ADARB1: variants seen among roughly 807,000 people sequenced by gnomAD.
The protein encoded by ADARB1 is double-stranded RNA-specific editase 1.
A neutral mutation model predicts 52.4 loss-of-function variants in ADARB1; 10 were observed. The observed-to-expected ratio is 0.19, with a 90% CI of 0.12 to 0.32. The LOEUF (loss-of-function observed/expected upper bound fraction) is 0.32. Among genes scored for constraint, ADARB1 ranks in the 10% least tolerant of loss-of-function variants. ADARB1 has a pLI of 1.00. For synonymous variants in ADARB1, 349 were observed against 371.1 expected (o/e 0.94, Z 0.68); for missense variants, 643 against 922.3 (o/e 0.70, Z 3.92).
chr21:45,201,275 T>C (rs1222260526), intron 8 of ADARB1, among the ~76,000 whole-genome samples: 1 of 152,222 alleles, frequency 6.6e-6, no homozygotes. Context: ...CTGTCCTTTG[T>C]GAGGTGCATT....
At chr21:45,091,505 GT>G (rs1286396835) in intron 1 of ADARB1, among the ~76,000 whole-genome samples, 1 of 152,186 alleles carries the variant, frequency 6.6e-6, no homozygotes, top group Non-Finnish European at 1.5e-5. Flanking sequence ...TCAGCTTACA[GT>G]TTTCTGCTAT....
intron 5 of ADARB1, among the ~76,000 whole-genome samples, chr21:45,180,819 G>A (rs575579078): frequency 1.1e-4 from 17 of 152,228 alleles, no homozygotes; most frequent in Non-Finnish European, 2.5e-4. Flanking sequence ...ATAAGTTTCA[G>A]TGTGACTTCC....
intron 2 of ADARB1, among the ~76,000 whole-genome samples, chr21:45,148,280 G>T (rs1423286259): frequency 6.6e-6 from 1 of 152,200 alleles, no homozygotes; most frequent in Admixed American, 6.5e-5. Context: ...TGGGTAAAAG[G>T]AATTAAGGTG....
chr21:45,204,187 C>T lies in ADARB1; in HGVS notation c.1566-368C>T, dbSNP rs1250033266. Reference sequence around the variant, plus strand: ...TTTTTCATTTAATATCTTCAGATCACGGTTGACAGTGAGTAACTGAAACCT... The same window carrying T: ...TTTTTCATTTAATATCTTCAGATCATGGTTGACAGTGAGTAACTGAAACCT... On this transcript the variant is annotated intron_variant, in intron 8 of 10. Coordinates refer to ENST00000348831, the MANE Select transcript of ADARB1 (RefSeq NM_001112.4). The surrounding 1 kb of genome is among the most constrained non-coding windows in gnomAD (Gnocchi z 4.4). Among the ~76,000 whole-genome samples, 5 of 152,316 alleles carry T rather than the reference C, an allele frequency of 3.3e-5. 1 individual carries two copies. Among genetic ancestry groups the T allele is most frequent in the African/African-American group, 2.4e-5 (1 of 41,556 alleles).
At chr21:45,174,327 T>C (rs1171582459) in intron 3 of ADARB1, among the ~76,000 whole-genome samples, 1 of 152,220 alleles carries the variant, frequency 6.6e-6, no homozygotes, top group African/African-American at 2.4e-5. Context: ...ATGTGACAGC[T>C]GCCTAGCCAT....
intron 1 of ADARB1, among the ~76,000 whole-genome samples, chr21:45,098,787 A>G (rs2086878070): frequency 6.6e-6 from 1 of 152,126 alleles, no homozygotes; most frequent in Admixed American, 6.5e-5. Flanking sequence ...CCTTTCGAGC[A>G]CTTTCCTCAG....
At chr21:45,124,700 T>C (rs1326988344) in intron 1 of ADARB1, among the ~76,000 whole-genome samples, 1 of 151,848 alleles carries the variant, frequency 6.6e-6, no homozygotes, top group Admixed American at 6.6e-5. Context: ...ATGTTTGTAG[T>C]TTTGTCAGAT....
In ADARB1 at chr21:45,221,844, C is replaced by T. The variant is rs539270095; in HGVS notation, c.1927-174C>T. On this transcript the variant is annotated intron_variant, in intron 10 of 10. Transcript: ENST00000348831. This position sits in a 1 kb window ranked among gnomAD's most constrained non-coding sequence, Gnocchi z 4.9. ...TGGCAATAACTCAGCCCTTAGGAGA[C>T]GCCGCACCTTGTTCTGTGTGAAGCC... 3.9e-5 allele frequency among the ~76,000 whole-genome samples: 6 copies of T among 152,288 alleles called. No individual in the cohort carries two copies. Among genetic ancestry groups the T allele is most frequent in the African/African-American group, 7.2e-5 (3 of 41,540 alleles).
rs973705047 is a variant in ADARB1 at position 45,223,993 on chromosome 21, A to G, written c.*1796A>G. 1.0e-6 allele frequency: 1 copy of G among 985,370 alleles called. No homozygotes were observed. The highest frequency in any genetic ancestry group is 1.2e-6 in the Non-Finnish European group (1 of 829,954). The allele number at this position is 985,370 out of a possible 1,614,324, so 61.0% of individuals were successfully genotyped here. A position where few individuals can be genotyped will look rare whatever the true frequency, so the allele number is the denominator to read the frequency against. On this transcript the variant is annotated 3_prime_UTR_variant, in exon 11 of 11. Transcript: ENST00000348831. ...CAGGCGTCTCTGCCGCTCCGTCACC[A>G]CAGTGGGGTTTTGTTCAGGCAGATC...
At position 45,224,048 on chromosome 21, in the gene ADARB1, A is replaced by G; in HGVS notation, c.*1851A>G. On this transcript the variant is annotated 3_prime_UTR_variant, in exon 11 of 11. Coordinates refer to ENST00000348831, the MANE Select transcript of ADARB1 (RefSeq NM_001112.4). The stretch of plus-strand genomic sequence containing the variant: ...TGGGGTTCTGCACCTGCAGAAGGAG[A>G]GGGGTCTGTTGTCGCTGGCTTTCCC... The G allele has an allele frequency of 1.0e-6, 1 of 985,432 alleles. No individual in the cohort carries two copies. The highest frequency in any genetic ancestry group is 1.2e-6 in the Non-Finnish European group (1 of 829,964). 61.0% of individuals were successfully genotyped at this position (985,432 alleles called of 1,614,324 possible).
Position 45,130,844 on chromosome 21 carries a change from C to G in ADARB1, c.-48+2271C>G, listed in dbSNP as rs777321644. Among the ~76,000 whole-genome samples the G allele has an allele frequency of 3.9e-4, 59 of 152,190 alleles. No homozygotes were observed. The Middle Eastern group carries it at 0.014, about 35-fold the overall frequency. ...CTTGTGTTTTTATACATGAGATTATCTTCTGAGGCTGGAACATCTTGGGGG... is the reference window on the plus strand; with the variant it reads ...CTTGTGTTTTTATACATGAGATTATGTTCTGAGGCTGGAACATCTTGGGGG... On this transcript the variant is annotated intron_variant, in intron 2 of 10. Coordinates refer to ENST00000348831, the MANE Select transcript of ADARB1 (RefSeq NM_001112.4).
intron 1 of ADARB1, among the ~76,000 whole-genome samples, chr21:45,100,231 T>C (rs1356637875): frequency 6.6e-6 from 1 of 152,240 alleles, no homozygotes; most frequent in East Asian, 1.9e-4. Flanking sequence ...GTTGAAATGA[T>C]AGCTACAAGG....
intron 1 of ADARB1, among the ~76,000 whole-genome samples, chr21:45,122,610 C>T (rs971473237): frequency 6.6e-6 from 1 of 152,166 alleles, no homozygotes; most frequent in African/African-American, 2.4e-5. Flanking sequence ...GAGCTGCTGG[C>T]CCCTGGCATG....
chr21:45,217,648 C>T (rs1432577757), intron 9 of ADARB1, among the ~76,000 whole-genome samples: 1 of 151,954 alleles, frequency 6.6e-6, no homozygotes, highest in Middle Eastern at 3.2e-3. Flanking sequence ...CTATCATTTC[C>T]AGGGCTCTTC....
At chr21:45,140,177 G>A (rs2089643963) in intron 2 of ADARB1, among the ~76,000 whole-genome samples, 1 of 151,898 alleles carries the variant, frequency 6.6e-6, no homozygotes, top group African/African-American at 2.4e-5. Context: ...TCCTGACCTC[G>A]GGTGATCCAC....
intron 1 of ADARB1, among the ~76,000 whole-genome samples, chr21:45,082,241 G>T (rs1369411673): frequency 6.6e-6 from 1 of 152,154 alleles, no homozygotes; most frequent in Non-Finnish European, 1.5e-5. Context: ...CAGAATATTT[G>T]TTTGTATAGA....
chr21:45,215,119 C>G (rs1338572898), intron 9 of ADARB1, among the ~76,000 whole-genome samples: 1 of 152,172 alleles, frequency 6.6e-6, no homozygotes, highest in Non-Finnish European at 1.5e-5. Flanking sequence ...GTGATCATAG[C>G]TCATTGTAAC....
intron 6 of ADARB1, among the ~76,000 whole-genome samples, 163 bp downstream of exon 6, chr21:45,182,916 C>T (rs2091978292): frequency 6.6e-6 from 1 of 152,164 alleles, no homozygotes; most frequent in Non-Finnish European, 1.5e-5. Context: ...TTCCACAATG[C>T]TCAACACACA....
At chr21:45,161,595 C>T (rs527741078) in intron 2 of ADARB1, among the ~76,000 whole-genome samples, 8 of 152,340 alleles carry the variant, frequency 5.3e-5, no homozygotes, top group African/African-American at 1.9e-4. Context: ...AGCCGCCCCT[C>T]GGCAGGAACA....
Sources: gnomAD v4.1 joint callset for allele counts (sites outside exome capture counted in the v4.1 genomes callset) on GRCh38, gnomAD v4.1.1 for gene constraint, Gnocchi (gnomAD v3.1) non-coding constraint, MANE v1.5 for transcripts, NCBI Gene and HGNC (gene_info 2026-07-23, HGNC 2026-07-21) for gene names.